Variants in CPZ observed in about 807,000 individuals in gnomAD.
CPZ encodes carboxypeptidase Z.
CPZ carries 103 observed loss-of-function variants against 61.8 expected under a neutral mutation model. That is an observed-to-expected ratio of 1.67 (90% confidence interval 1.42 to 1.96). The LOEUF (loss-of-function observed/expected upper bound fraction) is 1.96. Ranked by LOEUF, CPZ falls within the 30% of genes most tolerant of loss-of-function variation. The pLI, the probability that CPZ is intolerant of heterozygous loss-of-function variation, is 0.00. For missense variants in CPZ, 1,461 were observed against 914.9 expected (o/e 1.60, Z -7.70); for synonymous variants, 551 against 373.7 (o/e 1.47, Z -5.47).
chr4:8,599,035 T>C (rs1714380588), intron 1 of CPZ, among the ~76,000 whole-genome samples: 1 of 152,186 alleles, frequency 6.6e-6, no homozygotes, highest in Non-Finnish European at 1.5e-5. Context: ...TTAAAACTTT[T>C]GGAATCTTCT....
chr4:8,611,429 G>C (rs1330798761), intron 7 of CPZ, among the ~76,000 whole-genome samples: 2 of 152,188 alleles, frequency 1.3e-5, no homozygotes, highest in African/African-American at 4.8e-5. Flanking sequence ...TGTCAAGGGT[G>C]GCAGATCCTG....
In CPZ at chr4:8,607,345, G is replaced by T; in HGVS notation, c.1147G>T (p.Asp383Tyr). The T allele has an allele frequency of 2.5e-6, 4 of 1,614,118 alleles. No homozygotes were observed. Among genetic ancestry groups the T allele is most frequent in the Non-Finnish European group, 3.4e-6 (4 of 1,179,986 alleles). The change falls in exon 7 of 11, where the codon GAC becomes TAC. Residue 383 changes from aspartate to tyrosine, a missense_variant. Asp to Tyr is a radical substitution (Grantham distance 160, BLOSUM62 -3). Coordinates refer to ENST00000360986, the MANE Select transcript of CPZ (RefSeq NM_001014447.3). ...FVLSASLHGGDLVVSYPFDFS... is the reference protein window; with the variant it reads ...FVLSASLHGGYLVVSYPFDFS... ...GCTCTCAGCCAGCCTTCATGGGGGCGACCTGGTGGTGTCCTACCCCTTCGA... is the reference window on the plus strand; with the variant it reads ...GCTCTCAGCCAGCCTTCATGGGGGCTACCTGGTGGTGTCCTACCCCTTCGA...
chr4:8,603,035 C>G (rs1289250885), intron 3 of CPZ: 1 of 152,370 alleles, frequency 6.6e-6, no homozygotes, highest in Non-Finnish European at 1.5e-5. Flanking sequence ...TGGGAAAGCC[C>G]AAGGAGTCGG....
chr4:8,611,507 T>C (rs906457718), intron 7 of CPZ, among the ~76,000 whole-genome samples: 3 of 152,090 alleles, frequency 2.0e-5, no homozygotes, highest in Admixed American at 2.0e-4. Context: ...GGGAGGGGCT[T>C]CCTGCAGGCT....
rs749044371 is a variant in CPZ at position 8,601,417 on chromosome 4, C to T, written c.416C>T (p.Ala139Val). 2.5e-6 allele frequency: 4 copies of T among 1,574,998 alleles called. No homozygotes were observed. The highest frequency in any genetic ancestry group is 2.3e-5 in the East Asian group (1 of 43,306). ...CQPAFDAIDM[A>V]WPYFLDCHRY... is the part of the protein sequence containing the mutation. Reference sequence around the variant, plus strand: ...CCCGCCTTCGACGCCATTGACATGGCCTGGCCCTACTTCCTTGACTGCCAC... The same window carrying T: ...CCCGCCTTCGACGCCATTGACATGGTCTGGCCCTACTTCCTTGACTGCCAC... Residue 139 changes from alanine to valine, a missense_variant, in exon 3 of 11, where the codon GCC becomes GTC. Physicochemically the swap from Ala to Val is moderately conservative, Grantham distance 64. Transcript: ENST00000360986.
chr4:8,610,670 G>A (rs1715575257), intron 7 of CPZ, among the ~76,000 whole-genome samples: 1 of 152,212 alleles, frequency 6.6e-6, no homozygotes, highest in African/African-American at 2.4e-5. Context: ...TGATGGGAAA[G>A]TCCGCTGAGG....
intron 10 of CPZ, 67 bp downstream of exon 10, chr4:8,618,595 G>A (rs1241507432): frequency 1.1e-5 from 16 of 1,394,060 alleles, no homozygotes; most frequent in South Asian, 3.6e-5. Flanking sequence ...CGTGGCAGCC[G>A]GCACCCTCAG....
rs199962135 is a variant in CPZ, at chr4:8,599,461, C to T, written c.97C>T (p.His33Tyr). ...EFERNPAGEC[H>Y]RPPAADSATC... Reference sequence around the variant, plus strand: ...CATGTCTCTCTTTCCAGGTGAATGCCACAGGCCACCAGCTGCAGACAGCGG... The same window carrying T: ...CATGTCTCTCTTTCCAGGTGAATGCTACAGGCCACCAGCTGCAGACAGCGG... Residue 33 changes from histidine (H) to tyrosine (Y), a missense_variant, in exon 2 of 11, where the codon CAC becomes TAC. His to Tyr is a moderately conservative substitution (Grantham distance 83, BLOSUM62 2). Coordinates refer to ENST00000360986, the MANE Select transcript of CPZ (RefSeq NM_001014447.3). 21 of 1,611,826 alleles carry T rather than the reference C, an allele frequency of 1.3e-5. No homozygotes were observed. In the East Asian group the frequency reaches 3.3e-4, roughly 26 times the overall value.
intron 6 of CPZ, 62 bp from the exon 7 acceptor site, chr4:8,607,205 G>T: frequency 6.4e-7 from 1 of 1,561,814 alleles, no homozygotes; most frequent in Non-Finnish European, 8.7e-7. Context: ...TGAAGCCCAG[G>T]GCATGGCTGC....
rs555043313 is a variant in CPZ at position 8,610,079 on chromosome 4, G to A, written c.1228-1948G>A. On this transcript the variant is annotated intron_variant, in intron 7 of 10. Transcript: ENST00000360986. ...CCAACCCCTTTCTGGCTTTGCCAAC[G>A]CTTGCTGTGGGAATGAGCATAGCCA... 7.2e-5 allele frequency among the ~76,000 whole-genome samples: 11 copies of A among 152,328 alleles called. No individual in the cohort carries two copies. In the South Asian group the frequency reaches 8.3e-4, roughly 11 times the overall value.
At chr4:8,616,058 C>T (rs559069979) in intron 9 of CPZ, among the ~76,000 whole-genome samples, 2 of 152,284 alleles carry the variant, frequency 1.3e-5, no homozygotes, top group South Asian at 4.1e-4. Context: ...ATGTGGCTGG[C>T]ATTGCTCCTG....
intron 7 of CPZ, 104 bp from the exon 8 acceptor site, chr4:8,611,923 G>A: frequency 2.0e-6 from 3 of 1,505,826 alleles, no homozygotes. Context: ...TCTCCTATCT[G>A]CAATGCAGGT....
intron 7 of CPZ, among the ~76,000 whole-genome samples, chr4:8,609,221 T>TACTC (rs1224880347): frequency 6.7e-5 from 1 of 14,890 alleles, no homozygotes; most frequent in Non-Finnish European, 1.6e-4. Flanking sequence ...CTCATTCACT[T>TACTC]ACTCACTCAT....
intron 6 of CPZ, 123 bp from the exon 7 acceptor site, chr4:8,607,144 G>GT (rs1342685043): frequency 6.5e-6 from 8 of 1,239,350 alleles, no homozygotes; most frequent in African/African-American, 3.0e-5. Flanking sequence ...CAGCTGGTGC[G>GT]TTGATGTAGA....
At position 8,619,435 on chromosome 4, in the gene CPZ, C is replaced by A. The variant is rs987157527; in HGVS notation, c.1777C>A (p.His593Asn). ...GGGGATGGGACCCAAGAACTTTATT[C>A]ATGGGCTGCGGAGGACTGGGCCCCA... is the stretch of plus-strand genomic sequence containing the variant. ...PLGMGPKNFI[H>N]GLRRTGPHDP... Residue 593 changes from histidine (H) to asparagine (N), a missense_variant, in exon 11 of 11, where the codon CAT (histidine) becomes AAT (asparagine). By Grantham distance (68) the His-to-Asn change is moderately conservative. Coordinates refer to ENST00000360986, the MANE Select transcript of CPZ (RefSeq NM_001014447.3). The A allele has an allele frequency of 1.5e-5, 25 of 1,613,724 alleles. No homozygotes were observed. Among genetic ancestry groups the A allele is most frequent in the Middle Eastern group, 1.6e-4 (1 of 6,080 alleles).
rs929748172 is a variant in CPZ at position 8,599,685 on chromosome 4, C to T, written c.121+200C>T. 19 of 1,392,268 alleles carry T rather than the reference C, an allele frequency of 1.4e-5. No homozygotes were observed. The South Asian group carries it at 1.6e-4, about 12-fold the overall frequency. 86.2% of individuals were successfully genotyped at this position (1,392,268 alleles called of 1,614,324 possible). ...AAAAAAGACCAGCTAGGAAAAGGTGCACCAGCTTCCCACCGGGCTATGCCC... is the reference window on the plus strand; with the variant it reads ...AAAAAAGACCAGCTAGGAAAAGGTGTACCAGCTTCCCACCGGGCTATGCCC... On this transcript the variant is annotated intron_variant, in intron 2 of 10. Coordinates refer to ENST00000360986, the MANE Select transcript of CPZ (RefSeq NM_001014447.3).
At position 8,592,928 on chromosome 4, in the gene CPZ, C is replaced by T; in HGVS notation, c.88+7C>T. On this transcript the variant is annotated splice_region_variant and intron_variant, in intron 1 of 10. Coordinates refer to ENST00000360986, the MANE Select transcript of CPZ (RefSeq NM_001014447.3). ...TTTGAGCGGAACCCCGCCGGTAAGGCCGTCCCCTGCCCCCACCCTCCACCC... is the reference window on the plus strand; with the variant it reads ...TTTGAGCGGAACCCCGCCGGTAAGGTCGTCCCCTGCCCCCACCCTCCACCC... The T allele has an allele frequency of 6.5e-7, 1 of 1,530,964 alleles. No homozygotes were observed. The highest frequency in any genetic ancestry group is 8.8e-7 in the Non-Finnish European group (1 of 1,140,726). The allele number at this position is 1,530,964 out of a possible 1,614,324, so 94.8% of individuals were successfully genotyped here.
At chr4:8,609,099 C>CG (rs1715333004) in intron 7 of CPZ, among the ~76,000 whole-genome samples, 2 of 33,352 alleles carry the variant, frequency 6.0e-5, no homozygotes, top group Admixed American at 7.2e-4. Context: ...CATTCACTCA[C>CG]TCACTCCCTT....
intron 8 of CPZ, among the ~76,000 whole-genome samples, 196 bp from the exon 9 acceptor site, chr4:8,614,163 G>GGAGGGGCGT (rs1452442953): frequency 6.6e-6 from 1 of 152,248 alleles, no homozygotes; most frequent in Non-Finnish European, 1.5e-5. Context: ...CTCAGCTGCA[G>GGAGGGGCGT]GAGGGGCGTC....
Sources: gnomAD v4.1 joint callset for allele counts (sites outside exome capture counted in the v4.1 genomes callset) on GRCh38, gnomAD v4.1.1 for gene constraint, MANE v1.5 for transcripts, NCBI Gene and HGNC (gene_info 2026-07-23, HGNC 2026-07-21) for gene names.